Variants in EDIL3 observed in about 807,000 individuals in gnomAD.
EDIL3 encodes the protein EGF like and discoidin domains 3, also known as EGF-like repeat and discoidin I-like domain-containing protein 3.
EDIL3 carries 37 observed loss-of-function variants against 67.4 expected under a neutral mutation model. That is an observed-to-expected ratio of 0.55 (90% CI 0.42 to 0.72). The LOEUF (loss-of-function observed/expected upper bound fraction) is 0.72, where lower values mean the gene tolerates loss of function less well. Among genes scored for constraint, EDIL3 ranks in the 30% least tolerant of loss-of-function variants. EDIL3 has a pLI of 0.00. For missense variants in EDIL3, 527 were observed against 586.3 expected (o/e 0.90, Z 1.04); for synonymous variants, 195 against 196.3 (o/e 0.99, Z 0.05).
chr5:84,087,509 C>T (rs928601080), intron 6 of EDIL3, among the ~76,000 whole-genome samples: 2 of 152,206 alleles, frequency 1.3e-5, no homozygotes, highest in Non-Finnish European at 2.9e-5. Context: ...TTTATTAATG[C>T]ATTCAAATAT....
Position 84,240,840 on chromosome 5 carries a change from T to C in EDIL3, c.197-10956A>G, listed in dbSNP as rs145924887. Among the ~76,000 whole-genome samples the C allele has an allele frequency of 1.0e-3, 156 of 152,116 alleles. 1 individual carries two copies. The highest frequency in any genetic ancestry group is 3.5e-3 in the African/African-American group (145 of 41,380). On this transcript the variant is annotated intron_variant, in intron 2 of 10. Transcript: ENST00000296591. ...GAGCAACCACTAATGCTAATTCTTC[T>C]AGAAAGTTTCCCCATGTCTCCTATT...
chr5:84,211,709 T>C (rs1452657780), intron 3 of EDIL3, among the ~76,000 whole-genome samples: 3 of 152,136 alleles, frequency 2.0e-5, no homozygotes, highest in Admixed American at 6.5e-5. Context: ...AAAAATTCTC[T>C]TCTAGAACCC....
chr5:84,301,748 G>A (rs1746165030), intron 1 of EDIL3, among the ~76,000 whole-genome samples: 2 of 152,196 alleles, frequency 1.3e-5, no homozygotes, highest in Admixed American at 1.3e-4. Flanking sequence ...TTTGTGATGA[G>A]TTTTGCTTCT....
chr5:84,359,813 G>A (rs2112199642), intron 1 of EDIL3, among the ~76,000 whole-genome samples: 1 of 152,248 alleles, frequency 6.6e-6, no homozygotes, highest in African/African-American at 2.4e-5. Flanking sequence ...CACAGTCTAT[G>A]GGGCAGGTGT....
At chr5:84,247,919 AT>A (rs1487044658) in intron 2 of EDIL3, among the ~76,000 whole-genome samples, 1 of 152,014 alleles carries the variant, frequency 6.6e-6, no homozygotes, top group Non-Finnish European at 1.5e-5. Flanking sequence ...CATACTTTTA[AT>A]TTTTTCCAAG....
At position 84,331,575 on chromosome 5, in the gene EDIL3, T is replaced by C. The variant is rs189578960; in HGVS notation, c.67+52733A>G. ...TTTGCTTTCCCTTCCATCATGACTG[T>C]AATTTTCCTGAGGCCTCCCCAGCCC... is the stretch of plus-strand genomic sequence containing the variant. On this transcript the variant is annotated intron_variant, in intron 1 of 10. Transcript: ENST00000296591. Among the ~76,000 whole-genome samples the C allele has an allele frequency of 7.2e-5, 11 of 152,306 alleles. No individual in the cohort carries two copies. In the East Asian group the frequency reaches 1.9e-3, roughly 27 times the overall value.
In EDIL3 at chr5:83,954,414, A is replaced by G. The variant is rs1010275859; in HGVS notation, c.1293+8791T>C. ...TCTTGTATGGCTTGGTGCCCTCCCTATTGTATTGAATGAGTTCTTGCTCTA... is the reference window on the plus strand; with the variant it reads ...TCTTGTATGGCTTGGTGCCCTCCCTGTTGTATTGAATGAGTTCTTGCTCTA... On this transcript the variant is annotated intron_variant, in intron 10 of 10. Coordinates refer to ENST00000296591, the MANE Select transcript of EDIL3 (RefSeq NM_005711.5). 7.3e-5 allele frequency among the ~76,000 whole-genome samples: 11 copies of G among 151,676 alleles called. No homozygotes were observed. In the East Asian group the frequency reaches 2.2e-3, roughly 30 times the overall value.
At chr5:84,112,181 C>G (rs927537217) in intron 5 of EDIL3, among the ~76,000 whole-genome samples, 1 of 152,162 alleles carries the variant, frequency 6.6e-6, no homozygotes, top group African/African-American at 2.4e-5. Context: ...GACTCTATGG[C>G]CACATTTTCA....
intron 1 of EDIL3, among the ~76,000 whole-genome samples, chr5:84,355,633 T>C (rs745448086): frequency 7.9e-5 from 12 of 152,110 alleles, no homozygotes; most frequent in Admixed American, 3.3e-4. Flanking sequence ...ACAGCAAATA[T>C]TGCTGCCTGT....
chr5:84,176,404 G>T (rs1198933994), intron 4 of EDIL3, among the ~76,000 whole-genome samples: 1 of 144,982 alleles, frequency 6.9e-6, no homozygotes, highest in African/African-American at 2.5e-5. Flanking sequence ...TCCAGGCTCA[G>T]TGGGCTCCCA....
At position 84,192,446 on chromosome 5, in the gene EDIL3, G is replaced by A. The variant is rs746821322; in HGVS notation, c.227-11925C>T. ...AGATCATTTGCATTCCTAGAACTTT[G>A]CTCAAATGACTCTGCAGCCTTAAAT... On this transcript the variant is annotated intron_variant, in intron 3 of 10. Coordinates refer to ENST00000296591, the MANE Select transcript of EDIL3 (RefSeq NM_005711.5). Among the ~76,000 whole-genome samples, 4 of 151,780 alleles carry A rather than the reference G, an allele frequency of 2.6e-5. No homozygotes were observed. In the South Asian group the frequency reaches 8.3e-4, roughly 32 times the overall value.
chr5:84,241,405 C>A (rs574986757), intron 2 of EDIL3, among the ~76,000 whole-genome samples: 2 of 151,908 alleles, frequency 1.3e-5, no homozygotes, highest in Non-Finnish European at 2.9e-5. Context: ...TTTATTATAC[C>A]TTTACAGGAT....
intron 9 of EDIL3, among the ~76,000 whole-genome samples, chr5:83,968,976 T>C (rs1744744868): frequency 6.6e-6 from 1 of 151,820 alleles, no homozygotes. Context: ...CCATGAGATA[T>C]AATCAATGCT....
chr5:84,119,919 C>T (rs948138962), intron 5 of EDIL3, among the ~76,000 whole-genome samples: 13 of 151,618 alleles, frequency 8.6e-5, no homozygotes, highest in African/African-American at 3.1e-4. Context: ...CTTATATTTG[C>T]AATAAATTTG....
At chr5:84,082,827 A>C (rs1397869852) in intron 6 of EDIL3, among the ~76,000 whole-genome samples, 2 of 152,180 alleles carry the variant, frequency 1.3e-5, no homozygotes, top group Non-Finnish European at 2.9e-5. Flanking sequence ...GTTACTATAG[A>C]CCTAAAGGTA....
chr5:84,381,075 T>G (rs1748066831), intron 1 of EDIL3, among the ~76,000 whole-genome samples: 1 of 152,156 alleles, frequency 6.6e-6, no homozygotes, highest in African/African-American at 2.4e-5. Context: ...TGAAGATTTT[T>G]GCAACTTCAA....
intron 1 of EDIL3, among the ~76,000 whole-genome samples, chr5:84,336,417 G>C (rs1561261280): frequency 6.6e-6 from 1 of 152,146 alleles, no homozygotes; most frequent in Non-Finnish European, 1.5e-5. Context: ...GATATCTGCA[G>C]TGTAAAGATA....
chr5:84,348,472 T>TA (rs1055039005), intron 1 of EDIL3, among the ~76,000 whole-genome samples: 1 of 151,934 alleles, frequency 6.6e-6, no homozygotes, highest in East Asian at 1.9e-4. Flanking sequence ...AAATAATTAT[T>TA]AAAAAATCTA....
intron 6 of EDIL3, among the ~76,000 whole-genome samples, chr5:84,099,969 GA>G (rs1011461871): frequency 6.6e-4 from 100 of 150,556 alleles, no homozygotes; most frequent in African/African-American, 2.0e-3. Flanking sequence ...AAAATCATAT[GA>G]AAAAAAAAGC....
Sources: allele counts gnomAD v4.1 joint callset (sites outside exome capture counted in the v4.1 genomes callset), GRCh38; gene constraint gnomAD v4.1.1; transcripts MANE v1.5; gene names NCBI Gene and HGNC (gene_info 2026-07-23, HGNC 2026-07-21).